The following CNGA1 variants were observed in gnomAD, a reference collection of about 807,000 sequenced individuals.
CNGA1 encodes cyclic nucleotide gated channel subunit alpha 1.
Under a neutral mutation model 69.7 loss-of-function variants are expected in CNGA1, and 53 were observed. The observed-to-expected ratio is 0.76, with a 90% CI of 0.61 to 0.96. The LOEUF (loss-of-function observed/expected upper bound fraction) is 0.96, where lower values mean the gene tolerates loss of function less well. CNGA1 is among the 40% of genes least tolerant of loss of function. The probability of loss-of-function intolerance (pLI) is 0.00; values close to 1 mark genes in which losing one functional copy is unlikely to be tolerated. For synonymous variants in CNGA1, 249 were observed against 283.5 expected (o/e 0.88, Z 1.22); for missense variants, 739 against 811.2 (o/e 0.91, Z 1.08).
At chr4:47,949,708 T>C (rs540079957) in intron 6 of CNGA1, 125 bp downstream of exon 6, 8 of 690,964 alleles carry the variant, frequency 1.2e-5, no homozygotes, top group East Asian at 2.7e-5. Context: ...AAGACTATCA[T>C]TGCCATTGTA....
intron 5 of CNGA1, among the ~76,000 whole-genome samples, chr4:47,950,405 T>C (rs1007258110): frequency 4.6e-5 from 7 of 152,244 alleles, no homozygotes; most frequent in Non-Finnish European, 1.0e-4. Context: ...CATGTGGAAC[T>C]GTGAGTCCAG....
At chr4:47,970,855 C>T in intron 3 of CNGA1, 1 of 452,778 alleles carries the variant, frequency 2.2e-6, no homozygotes, top group African/African-American at 2.0e-5. Flanking sequence ...ATTGGAAATC[C>T]TTCAAAAATA....
intron 2 of CNGA1, among the ~76,000 whole-genome samples, chr4:47,991,744 G>A (rs1386128564): frequency 2.0e-5 from 3 of 152,164 alleles, no homozygotes; most frequent in Non-Finnish European, 4.4e-5. Flanking sequence ...CTCTGCCTAA[G>A]CCAATGTCTA....
At chr4:48,006,903 A>G (rs321645) in intron 2 of CNGA1, among the ~76,000 whole-genome samples, 43,943 of 151,964 alleles carry the variant, frequency 0.29, 7,021 homozygotes, top group African/African-American at 0.43. Flanking sequence ...AATTACAGGT[A>G]TGTGCCCAGC....
chr4:47,999,721 A>G (rs1714577462), intron 2 of CNGA1, among the ~76,000 whole-genome samples: 1 of 152,128 alleles, frequency 6.6e-6, no homozygotes. Flanking sequence ...AACTTCAAAA[A>G]TTAGCCAGGT....
chr4:47,999,625 C>T (rs1420370947), intron 2 of CNGA1, among the ~76,000 whole-genome samples: 3 of 152,180 alleles, frequency 2.0e-5, no homozygotes, highest in African/African-American at 7.2e-5. Context: ...AATCACAGCA[C>T]TTTGGGAGGC....
Position 47,951,411 on chromosome 4 carries a change from G to GCACT in CNGA1, c.165_166insAGTG (p.Pro56SerfsTer9). The GCACT allele has an allele frequency of 6.2e-7, 1 of 1,613,880 alleles. No homozygotes were observed. Among genetic ancestry groups the GCACT allele is most frequent in the Non-Finnish European group, 8.5e-7 (1 of 1,179,836 alleles). On this transcript the variant is annotated frameshift_variant, in exon 5 of 11. Coordinates refer to ENST00000514170, the MANE Select transcript of CNGA1 (RefSeq NM_001379270.1). LOFTEE classifies it high-confidence loss of function. Reference sequence around the variant, plus strand: ...TAACTAAAGGAACCCCTTGCATGAGGGTTTTCATTCTCTGATTCTTCAGAT... The same window carrying GCACT: ...TAACTAAAGGAACCCCTTGCATGAGGCACTGTTTTCATTCTCTGATTCTTCAGAT...
chr4:47,978,142 C>T (rs1741514921), intron 3 of CNGA1, among the ~76,000 whole-genome samples: 1 of 151,976 alleles, frequency 6.6e-6, no homozygotes, highest in South Asian at 2.1e-4. Flanking sequence ...GATTTTTATC[C>T]TATTTAATGA....
At chr4:47,999,527 A>G (rs142114144) in intron 2 of CNGA1, among the ~76,000 whole-genome samples, 9 of 152,348 alleles carry the variant, frequency 5.9e-5, no homozygotes, top group Admixed American at 2.0e-4. Context: ...AATGTGACCC[A>G]TAATCAGGAA....
chr4:47,989,798 T>A (rs1742167575), intron 2 of CNGA1, among the ~76,000 whole-genome samples: 1 of 151,576 alleles, frequency 6.6e-6, no homozygotes, highest in African/African-American at 2.4e-5. Flanking sequence ...CTCACCCCCT[T>A]CCCACCCTTT....
chr4:47,940,689 T>C, intron 10 of CNGA1, 74 bp downstream of exon 10: 1 of 1,058,790 alleles, frequency 9.4e-7, no homozygotes, highest in Non-Finnish European at 1.4e-6. Context: ...AATACTTGGA[T>C]TAGGAAATGT....
At chr4:47,973,424 G>T (rs1280396327) in intron 3 of CNGA1, among the ~76,000 whole-genome samples, 1 of 152,028 alleles carries the variant, frequency 6.6e-6, no homozygotes, top group African/African-American at 2.4e-5. Context: ...GCAGCTCAGA[G>T]CACTCACACA....
chr4:47,973,066 C>CTTTT lies in CNGA1; in HGVS notation c.-15+8323_-15+8326dup, dbSNP rs3058684. Among the ~76,000 whole-genome samples, 34 of 120,236 alleles carry CTTTT rather than the reference C, an allele frequency of 2.8e-4. 1 individual carries two copies. The highest frequency in any genetic ancestry group is 6.7e-4 in the African/African-American group (21 of 31,494). The allele number at this position is 120,236 out of a possible 152,430, so 78.9% of individuals were successfully genotyped here. ...TAGTACACAGACTTTAAAGCACCAT[C>CTTTT]TTTTTTTTTTTTTTTTTTTGAGAGG... On this transcript the variant is annotated intron_variant, in intron 3 of 10. Coordinates refer to ENST00000514170, the MANE Select transcript of CNGA1 (RefSeq NM_001379270.1).
chr4:47,992,906 G>C lies in CNGA1; in HGVS notation c.-122-11406C>G, dbSNP rs1443733687. ...CTGAGAGTTTTAATCATAAAAGGAT[G>C]TTGGATTTTGTTGAATGCTTTTTCT... is the stretch of plus-strand genomic sequence containing the variant. On this transcript the variant is annotated intron_variant, in intron 2 of 10. Transcript: ENST00000514170. Among the ~76,000 whole-genome samples the C allele has an allele frequency of 2.6e-5, 4 of 152,146 alleles. No individual in the cohort carries two copies. The East Asian group carries it at 7.7e-4, about 29-fold the overall frequency.
Position 47,936,880 on chromosome 4 carries a change from C to G in CNGA1, c.1602G>C (p.Leu534Phe), listed in dbSNP as rs753754324. The change falls in exon 11 of 11, where the codon TTG becomes TTC. Residue 534 changes from leucine (L) to phenylalanine (F), a missense_variant. Leu to Phe is a conservative substitution (Grantham distance 22, BLOSUM62 0). Coordinates refer to ENST00000514170, the MANE Select transcript of CNGA1 (RefSeq NM_001379270.1). ...ADDGVTQFVV[L>F]SDGSYFGEIS... ...TCTCACCGAAGTAGCTGCCATCGCT[C>G]AATACCACAAACTGAGTGACTCCAT... 1 of 1,614,006 alleles carries G rather than the reference C, an allele frequency of 6.2e-7. No individual in the cohort carries two copies. The highest frequency in any genetic ancestry group is 8.5e-7 in the Non-Finnish European group (1 of 1,180,036).
At position 47,942,149 on chromosome 4, in the gene CNGA1, C is replaced by G. The variant is rs763612412; in HGVS notation, c.438-1G>C. ...AATAACCACAACTTCTTTCTTCTCC[C>G]TAGCGGCAATTAGAAATAAAGGGGA... On this transcript the variant is annotated splice_acceptor_variant, in intron 8 of 10. Transcript: ENST00000514170. LOFTEE classifies it high-confidence loss of function. 1 of 1,593,086 alleles carries G rather than the reference C, an allele frequency of 6.3e-7. No individual in the cohort carries two copies. Among genetic ancestry groups the G allele is most frequent in the Middle Eastern group, 1.7e-4 (1 of 6,030 alleles).
At chr4:48,009,914 A>G (rs986128400) in intron 2 of CNGA1, among the ~76,000 whole-genome samples, 3 of 152,342 alleles carry the variant, frequency 2.0e-5, no homozygotes, top group South Asian at 4.1e-4. Flanking sequence ...GCTCTTTTAT[A>G]TATTTTCAGT....
rs529819510 is a variant in CNGA1 at position 47,940,038 on chromosome 4, G to A, written c.652+725C>T. Among the ~76,000 whole-genome samples the A allele has an allele frequency of 1.1e-4, 17 of 152,218 alleles. 1 individual carries two copies. The South Asian group carries it at 1.9e-3, about 17-fold the overall frequency. ...AGACACTTGGGATCTTCCCTCCTAT[G>A]CTGTTACCATGGGCTTGTGTGTTTT... On this transcript the variant is annotated intron_variant, in intron 10 of 10. Coordinates refer to ENST00000514170, the MANE Select transcript of CNGA1 (RefSeq NM_001379270.1).
intron 6 of CNGA1, among the ~76,000 whole-genome samples, chr4:47,945,783 C>T (rs977245227): frequency 6.6e-6 from 1 of 152,106 alleles, no homozygotes; most frequent in Non-Finnish European, 1.5e-5. Context: ...CTCTTAATTT[C>T]CCCATGTAAT....
Sources: allele counts gnomAD v4.1 joint callset (sites outside exome capture counted in the v4.1 genomes callset), GRCh38; gene constraint gnomAD v4.1.1; transcripts MANE v1.5; gene names NCBI Gene and HGNC (gene_info 2026-07-23, HGNC 2026-07-21).